Variants in PHACTR3 observed in about 807,000 individuals in gnomAD.
The protein encoded by PHACTR3 is phosphatase and actin regulator 3.
A neutral mutation model predicts 66.8 loss-of-function variants in PHACTR3; 16 were observed. That is an observed-to-expected ratio of 0.24 (90% CI 0.16 to 0.36). The LOEUF is 0.36. Ranked by LOEUF, PHACTR3 falls within the 10% of genes least tolerant of loss-of-function variation. The pLI is 1.00. For missense variants in PHACTR3, 647 were observed against 719.9 expected (o/e 0.90, Z 1.16); for synonymous variants, 323 against 292.1 (o/e 1.11, Z -1.08).
At chr20:59,744,364 C>G (rs1307975242) in intron 2 of PHACTR3, among the ~76,000 whole-genome samples, 1 of 152,240 alleles carries the variant, frequency 6.6e-6, no homozygotes, top group Non-Finnish European at 1.5e-5. Context: ...CGCATCTCCA[C>G]CCCAGGGCCC....
In PHACTR3 at chr20:59,738,880, G is replaced by A. The variant is rs116192966; in HGVS notation, c.119-4227G>A. 5.9e-3 allele frequency among the ~76,000 whole-genome samples: 905 copies of A among 152,250 alleles called. 8 individuals carry two copies. The highest frequency in any genetic ancestry group is 0.02 in the African/African-American group (845 of 41,562). On this transcript the variant is annotated intron_variant, in intron 1 of 12. Coordinates refer to ENST00000371015, the MANE Select transcript of PHACTR3 (RefSeq NM_080672.5). This position sits in a 1 kb window ranked among gnomAD's most constrained non-coding sequence, Gnocchi z 4.4. ...CATCTTCAGCTGAGCTTGGAGGCTT[G>A]GGGAGACCTAGCCCATCCTTCCCCT...
chr20:59,711,362 C>A (rs562903346), intron 1 of PHACTR3, among the ~76,000 whole-genome samples: 1 of 152,274 alleles, frequency 6.6e-6, no homozygotes, highest in African/African-American at 2.4e-5. Flanking sequence ...CAAACGTTTT[C>A]TCAGAAAGGT....
chr20:59,760,162 C>T (rs978923523), intron 4 of PHACTR3, among the ~76,000 whole-genome samples: 6 of 152,150 alleles, frequency 3.9e-5, no homozygotes, highest in Non-Finnish European at 5.9e-5. Context: ...GCAGCTTCCC[C>T]GTGCCCCAAC....
At chr20:59,727,743 A>T (rs1482920942) in intron 1 of PHACTR3, among the ~76,000 whole-genome samples, 2 of 152,194 alleles carry the variant, frequency 1.3e-5, no homozygotes, top group Non-Finnish European at 2.9e-5. Context: ...TTTAGTGTTG[A>T]CATGATGCTC....
chr20:59,746,186 G>A (rs1383099619), intron 2 of PHACTR3, among the ~76,000 whole-genome samples: 2 of 152,204 alleles, frequency 1.3e-5, no homozygotes, highest in African/African-American at 4.8e-5. Context: ...GCTGTGTTTG[G>A]GTTTCCCTTT....
intron 3 of PHACTR3, among the ~76,000 whole-genome samples, chr20:59,753,499 C>T: frequency 6.6e-6 from 1 of 152,206 alleles, no homozygotes; most frequent in East Asian, 1.9e-4. Context: ...CCTAAGCCTG[C>T]TGTTAGCAGA....
At chr20:59,834,946 C>A (rs1298418176) in intron 8 of PHACTR3, among the ~76,000 whole-genome samples, 2 of 152,134 alleles carry the variant, frequency 1.3e-5, no homozygotes, top group African/African-American at 2.4e-5. Context: ...CAAAAAAACC[C>A]TCATAATTTG....
chr20:59,845,954 T>C (rs2059139725), intron 12 of PHACTR3, among the ~76,000 whole-genome samples: 3 of 152,290 alleles, frequency 2.0e-5, no homozygotes, highest in South Asian at 4.1e-4. Flanking sequence ...TTAACTCTCT[T>C]TACTTATTGA....
intron 1 of PHACTR3, among the ~76,000 whole-genome samples, chr20:59,705,242 GC>G (rs1601147103): frequency 6.6e-6 from 1 of 152,302 alleles, no homozygotes; most frequent in East Asian, 1.9e-4. Context: ...ACAGGCATGA[GC>G]CACCACTCCT....
chr20:59,797,283 T>C (rs2041276374), intron 7 of PHACTR3, among the ~76,000 whole-genome samples: 1 of 152,154 alleles, frequency 6.6e-6, no homozygotes, highest in East Asian at 1.9e-4. Context: ...CTTGCTAAGG[T>C]TTCTTAAGGT....
At chr20:59,588,205 G>A (rs918863439) in intron 1 of PHACTR3, among the ~76,000 whole-genome samples, 2 of 152,188 alleles carry the variant, frequency 1.3e-5, no homozygotes, top group African/African-American at 4.8e-5. Context: ...ACTCATATGT[G>A]AGGCTCTGAT....
intron 1 of PHACTR3, among the ~76,000 whole-genome samples, chr20:59,590,925 C>CT (rs2033163520): frequency 6.6e-6 from 1 of 152,186 alleles, no homozygotes; most frequent in Non-Finnish European, 1.5e-5. Context: ...ACCATCATCT[C>CT]TGAGCGCTGC....
At chr20:59,695,275 G>A (rs933813535) in intron 1 of PHACTR3, among the ~76,000 whole-genome samples, 1 of 152,176 alleles carries the variant, frequency 6.6e-6, no homozygotes, top group Admixed American at 6.5e-5. Flanking sequence ...CCTGGTGGGA[G>A]GTGATTGGAT....
chr20:59,798,305 T>G (rs1216556669), intron 7 of PHACTR3, among the ~76,000 whole-genome samples: 1 of 152,168 alleles, frequency 6.6e-6, no homozygotes, highest in Non-Finnish European at 1.5e-5. Flanking sequence ...CCTAATCACT[T>G]GCAAAAGTCC....
chr20:59,720,050 T>C (rs541552907), intron 1 of PHACTR3, among the ~76,000 whole-genome samples: 13 of 152,242 alleles, frequency 8.5e-5, no homozygotes, highest in South Asian at 2.1e-4. Flanking sequence ...AGCTCTCTCA[T>C]AGGAGGCATA....
At chr20:59,666,071 A>G (rs945004120) in intron 1 of PHACTR3, among the ~76,000 whole-genome samples, 7 of 152,160 alleles carry the variant, frequency 4.6e-5, no homozygotes, top group Non-Finnish European at 8.8e-5. Context: ...AGGTCTGTCC[A>G]GCTTCCATCT....
intron 1 of PHACTR3, among the ~76,000 whole-genome samples, chr20:59,682,640 A>C (rs899775067): frequency 2.0e-5 from 3 of 152,250 alleles, no homozygotes; most frequent in Admixed American, 6.5e-5. Context: ...ATGGAGTGTC[A>C]GGATTGGCAT....
At chr20:59,681,565 C>G (rs898142103) in intron 1 of PHACTR3, among the ~76,000 whole-genome samples, 2 of 152,180 alleles carry the variant, frequency 1.3e-5, no homozygotes. Context: ...AACAAAGTGT[C>G]CCATATATTC....
intron 1 of PHACTR3, among the ~76,000 whole-genome samples, chr20:59,647,722 C>T (rs1343801786): frequency 2.6e-5 from 4 of 152,184 alleles, no homozygotes; most frequent in Non-Finnish European, 4.4e-5. Flanking sequence ...TGTACAAACT[C>T]ATCTCCCACA....
Sources: gnomAD v4.1 joint callset for allele counts (sites outside exome capture counted in the v4.1 genomes callset) on GRCh38, gnomAD v4.1.1 for gene constraint, Gnocchi (gnomAD v3.1) non-coding constraint, MANE v1.5 for transcripts, NCBI Gene and HGNC (gene_info 2026-07-23, HGNC 2026-07-21) for gene names.